LRRC53: variants seen among roughly 807,000 people sequenced by gnomAD.
LRRC53 encodes the protein leucine rich repeat containing 53, also known as leucine-rich repeat-containing protein 53.
In LRRC53, 25 loss-of-function variants were observed where a neutral mutation model predicts 13.6. That is an observed-to-expected ratio of 1.83 (90% CI 1.34 to 2.56). The LOEUF (loss-of-function observed/expected upper bound fraction) is 2.56, where lower values mean the gene tolerates loss of function less well. Among genes scored for constraint, LRRC53 ranks in the 30% most tolerant of loss-of-function variants. The pLI, the probability that LRRC53 is intolerant of heterozygous loss-of-function variation, is 0.00. For missense variants in LRRC53, 527 were observed against 275.8 expected (o/e 1.91, Z -6.45); for synonymous variants, 204 against 109.8 (o/e 1.86, Z -5.37).
intron 1 of LRRC53, chr1:74,489,069 TA>T: frequency 1.3e-6 from 1 of 763,668 alleles, no homozygotes; most frequent in Non-Finnish European, 2.0e-6. Context: ...GTATTTTAAA[TA>T]AAAATATACT....
At chr1:74,479,621 C>A (rs1210079203) in intron 3 of LRRC53, among the ~76,000 whole-genome samples, 1 of 152,202 alleles carries the variant, frequency 6.6e-6, no homozygotes, top group African/African-American at 2.4e-5. Context: ...CATACAAACA[C>A]TGCAGACTAA....
chr1:74,475,781 C>G lies in LRRC53; in HGVS notation c.934G>C (p.Val312Leu). The change falls in exon 4 of 5, where the codon GTT becomes CTT. Residue 312 changes from valine (V) to leucine (L), a missense_variant. By Grantham distance (32) the Val-to-Leu change is conservative. Transcript: ENST00000294635. Reference sequence around the variant, plus strand: ...TGGTGGAGTTTCCAGTTAAATACAACTAAACCTAGGCAAGTGAGACCAACA... The same window carrying G: ...TGGTGGAGTTTCCAGTTAAATACAAGTAAACCTAGGCAAGTGAGACCAACA... Reference protein sequence around the residue: ...GAVGLTCLGLVVFNWKLHQGK... With the variant: ...GAVGLTCLGLLVFNWKLHQGK... 1.6e-6 allele frequency: 1 copy of G among 623,800 alleles called. No individual in the cohort carries two copies. The highest frequency in any genetic ancestry group is 2.9e-6 in the Non-Finnish European group (1 of 341,100). 38.6% of individuals were successfully genotyped at this position (623,800 alleles called of 1,614,324 possible).
At chr1:74,533,001 A>G in the LRRC53 span, among the ~76,000 whole-genome samples, 1 of 152,190 alleles carries the variant, frequency 6.6e-6, no homozygotes, top group African/African-American at 2.4e-5. Context: ...GGACATAGGC[A>G]TGGGCAAGGA....
intron 1 of LRRC53, among the ~76,000 whole-genome samples, chr1:74,487,851 G>A (rs557977368): frequency 9.9e-5 from 15 of 152,236 alleles, no homozygotes; most frequent in Admixed American, 3.9e-4. Flanking sequence ...TTGGAGTCAG[G>A]TTTCTAGAGG....
chr1:74,509,824 C>A (rs1670094648), intron 1 of LRRC53, among the ~76,000 whole-genome samples: 1 of 127,242 alleles, frequency 7.9e-6, no homozygotes, highest in African/African-American at 3.0e-5. Flanking sequence ...GCGATTATGG[C>A]TCACTGCAGC....
intron 2 of LRRC53, among the ~76,000 whole-genome samples, chr1:74,482,860 T>C (rs1668573396): frequency 6.6e-6 from 1 of 152,234 alleles, no homozygotes; most frequent in South Asian, 2.1e-4. Flanking sequence ...TCTGTTTCAC[T>C]GGTACATCAC....
At chr1:74,488,861 T>C (rs1273153739) in intron 1 of LRRC53, among the ~76,000 whole-genome samples, 1 of 152,172 alleles carries the variant, frequency 6.6e-6, no homozygotes, top group Non-Finnish European at 1.5e-5. Flanking sequence ...TAGTTAATAG[T>C]TTTTAGTATT....
At chr1:74,483,930 C>A (rs1194243021) in intron 1 of LRRC53, among the ~76,000 whole-genome samples, 1 of 152,144 alleles carries the variant, frequency 6.6e-6, no homozygotes, top group African/African-American at 2.4e-5. Context: ...ATTAAGCTCA[C>A]AAGCTCTACT....
chr1:74,508,604 G>T (rs534637871), intron 1 of LRRC53, among the ~76,000 whole-genome samples: 77 of 152,280 alleles, frequency 5.1e-4, no homozygotes, highest in Non-Finnish European at 9.8e-4. Flanking sequence ...AGGATAAGTA[G>T]CGAATCAGTC....
chr1:74,523,237 T>C, the LRRC53 span, among the ~76,000 whole-genome samples: 1 of 152,140 alleles, frequency 6.6e-6, no homozygotes, highest in Non-Finnish European at 1.5e-5. Flanking sequence ...TGAAATAAAT[T>C]TTCTAACACC....
intron 1 of LRRC53, among the ~76,000 whole-genome samples, chr1:74,510,501 C>G (rs1054437453): frequency 2.0e-5 from 3 of 151,958 alleles, no homozygotes; most frequent in African/African-American, 7.3e-5. Context: ...GAGTGAGACT[C>G]CGTCTCAAAA....
chr1:74,491,217 TTTTG>T (rs563665454), intron 1 of LRRC53, among the ~76,000 whole-genome samples: 101 of 151,742 alleles, frequency 6.7e-4, no homozygotes, highest in Non-Finnish European at 1.1e-3. Context: ...TCCAACAGGT[TTTTG>T]TTTGTTTGTT....
intron 1 of LRRC53, among the ~76,000 whole-genome samples, chr1:74,509,812 G>A: frequency 9.1e-6 from 1 of 109,290 alleles, no homozygotes; most frequent in East Asian, 3.0e-4. Flanking sequence ...CAGTACAGTT[G>A]TGCGATTATG....
intron 1 of LRRC53, among the ~76,000 whole-genome samples, chr1:74,493,374 A>G (rs1669171469): frequency 6.6e-6 from 1 of 152,184 alleles, no homozygotes. Context: ...CTTTACCTCG[A>G]TGAAAACAGA....
At chr1:74,504,775 G>A in intron 1 of LRRC53, among the ~76,000 whole-genome samples, 1 of 152,052 alleles carries the variant, frequency 6.6e-6, no homozygotes, top group East Asian at 1.9e-4. Context: ...TGGCTATTCT[G>A]ATGCTGTAAT....
At chr1:74,528,727 T>A in the LRRC53 span, among the ~76,000 whole-genome samples, 16 of 152,222 alleles carry the variant, frequency 1.1e-4, no homozygotes, top group African/African-American at 3.9e-4. Context: ...CACCTATGTA[T>A]GCTCATGCAT....
chr1:74,477,611 T>G (rs914929705), intron 3 of LRRC53, among the ~76,000 whole-genome samples: 2 of 152,164 alleles, frequency 1.3e-5, no homozygotes, highest in South Asian at 4.1e-4. Context: ...TAAACATAAT[T>G]TGATTATAGG....
chr1:74,480,971 G>A lies in LRRC53; in HGVS notation c.89-3C>T. On this transcript the variant is annotated splice_polypyrimidine_tract_variant and splice_region_variant and intron_variant, in intron 2 of 4. Coordinates refer to ENST00000294635, the MANE Select transcript of LRRC53 (RefSeq NM_001382280.1). The stretch of plus-strand genomic sequence containing the variant: ...AACCCTCGTGGTCATAGGGGCTGCT[G>A]TGGGGAAAAAAGCACAGACTAGATG... The A allele has an allele frequency of 1.4e-6, 1 of 705,076 alleles. No homozygotes were observed. 43.7% of individuals were successfully genotyped at this position (705,076 alleles called of 1,614,324 possible). A position where few individuals can be genotyped will look rare whatever the true frequency, so the allele number is the denominator to read the frequency against.
chr1:74,494,581 T>G (rs1234436755), intron 1 of LRRC53, among the ~76,000 whole-genome samples: 1 of 152,222 alleles, frequency 6.6e-6, no homozygotes, highest in African/African-American at 2.4e-5. Flanking sequence ...TACTTGTGTC[T>G]TTTAAAGCTA....
Sources: allele counts gnomAD v4.1 joint callset (sites outside exome capture counted in the v4.1 genomes callset), GRCh38; gene constraint gnomAD v4.1.1; transcripts MANE v1.5; gene names NCBI Gene and HGNC (gene_info 2026-07-23, HGNC 2026-07-21).